The following TBCA variants were observed in gnomAD, a reference collection of about 807,000 sequenced individuals.
The protein encoded by TBCA is tubulin folding cofactor A.
Under a neutral mutation model 15.8 loss-of-function variants are expected in TBCA, and 6 were observed. The ratio of observed to expected loss-of-function variants is 0.38; its 90% CI spans 0.21 to 0.75. The LOEUF (loss-of-function observed/expected upper bound fraction) is 0.75. Among genes scored for constraint, TBCA ranks in the 30% least tolerant of loss-of-function variants. The pLI is 0.46. For synonymous variants in TBCA, 32 were observed against 42.3 expected, an observed-to-expected ratio of 0.76 and a Z score of 0.94; for missense variants, 90 against 131.2, an observed-to-expected ratio of 0.69 and a Z score of 1.53.
chr5:77,712,346 T>C (rs993009077), intron 1 of TBCA, among the ~76,000 whole-genome samples: 1 of 152,186 alleles, frequency 6.6e-6, no homozygotes, highest in Non-Finnish European at 1.5e-5. Context: ...ATTTCTGTAA[T>C]AAGGCTGAGC....
intron 1 of TBCA, among the ~76,000 whole-genome samples, chr5:77,757,805 T>C (rs1747510848): frequency 6.6e-6 from 1 of 152,236 alleles, no homozygotes; most frequent in Non-Finnish European, 1.5e-5. Flanking sequence ...CAGGAGGTCC[T>C]GATGACATGT....
intron 1 of TBCA, among the ~76,000 whole-genome samples, chr5:77,715,000 A>C (rs1456607231): frequency 6.6e-6 from 1 of 152,204 alleles, no homozygotes; most frequent in African/African-American, 2.4e-5. Context: ...AAAATATGTA[A>C]CATGTTAGAT....
chr5:77,728,470 CAT>C (rs1746680322), intron 1 of TBCA, among the ~76,000 whole-genome samples: 1 of 152,014 alleles, frequency 6.6e-6, no homozygotes, highest in African/African-American at 2.4e-5. Flanking sequence ...AAGGAACAAT[CAT>C]AAAAAATCTG....
chr5:77,724,842 T>A (rs905706630), intron 1 of TBCA, among the ~76,000 whole-genome samples: 19 of 152,198 alleles, frequency 1.2e-4, no homozygotes, highest in African/African-American at 4.3e-4. Context: ...TTCTAGGATT[T>A]TTGTGTTAAG....
At chr5:77,693,713 C>A (rs537929001) in intron 2 of TBCA, 1 of 196,110 alleles carries the variant, frequency 5.1e-6, no homozygotes, top group African/African-American at 2.4e-5. Context: ...GCAGGAGAAT[C>A]GCTTGAACCC....
intron 1 of TBCA, among the ~76,000 whole-genome samples, chr5:77,720,713 C>G (rs1561270259): frequency 1.3e-5 from 2 of 151,670 alleles, no homozygotes; most frequent in Non-Finnish European, 2.9e-5. Flanking sequence ...GACTCCATCT[C>G]AAAAAAATAA....
rs547399177 is a variant in TBCA at position 77,770,177 on chromosome 5, CT to C, written c.53+6027del. On this transcript the variant is annotated intron_variant, in intron 1 of 3. Coordinates refer to ENST00000380377, the MANE Select transcript of TBCA (RefSeq NM_004607.3). The stretch of plus-strand genomic sequence containing the variant: ...TATGAACACAAATCCCACTTGGAAA[CT>C]TTTTTGGTGCAGATAAGTCACTTAG... Among the ~76,000 whole-genome samples the C allele has an allele frequency of 5.2e-3, 786 of 152,202 alleles. 3 individuals are homozygous for C. The highest frequency in any genetic ancestry group is 7.6e-3 in the Non-Finnish European group (520 of 67,980).
chr5:77,723,542 T>C (rs1181543784), intron 1 of TBCA, among the ~76,000 whole-genome samples: 12 of 151,998 alleles, frequency 7.9e-5, no homozygotes, highest in Admixed American at 4.6e-4. Flanking sequence ...AAACTGAACT[T>C]TGAAATTCCC....
intron 1 of TBCA, among the ~76,000 whole-genome samples, chr5:77,714,728 A>C (rs1238695954): frequency 6.6e-6 from 1 of 152,036 alleles, no homozygotes; most frequent in Non-Finnish European, 1.5e-5. Flanking sequence ...CACCACGGCC[A>C]GCTAATTTTT....
intron 1 of TBCA, among the ~76,000 whole-genome samples, chr5:77,753,632 TTGAG>T (rs1467275125): frequency 6.6e-5 from 10 of 152,314 alleles, no homozygotes; most frequent in Non-Finnish European, 1.5e-4. Flanking sequence ...ACATCTTGCT[TTGAG>T]TAACTATTTT....
intron 1 of TBCA, among the ~76,000 whole-genome samples, chr5:77,712,488 A>G (rs1746301633): frequency 6.6e-6 from 1 of 152,296 alleles, no homozygotes. Context: ...AAGATTTAAT[A>G]AGAATACTGA....
At chr5:77,723,076 G>C (rs1487508438) in intron 1 of TBCA, among the ~76,000 whole-genome samples, 1 of 151,346 alleles carries the variant, frequency 6.6e-6, no homozygotes, top group African/African-American at 2.4e-5. Context: ...ATACCATCTT[G>C]TGTATTATCA....
intron 1 of TBCA, among the ~76,000 whole-genome samples, chr5:77,774,311 T>C (rs1381821950): frequency 6.6e-6 from 1 of 152,230 alleles, no homozygotes; most frequent in Non-Finnish European, 1.5e-5. Context: ...AAAATCTATA[T>C]TCTGTAGAGA....
chr5:77,708,063 C>T (rs777183854), intron 2 of TBCA, among the ~76,000 whole-genome samples, 179 bp downstream of exon 2: 2 of 152,118 alleles, frequency 1.3e-5, no homozygotes, highest in Non-Finnish European at 2.9e-5. Context: ...CACTTAACAA[C>T]TATGTGATTT....
intron 1 of TBCA, among the ~76,000 whole-genome samples, chr5:77,740,492 G>A (rs1020907229): frequency 6.6e-6 from 1 of 152,150 alleles, no homozygotes; most frequent in Non-Finnish European, 1.5e-5. Flanking sequence ...CAAGGAAGCA[G>A]GAGAAGCCAA....
chr5:77,725,217 C>T (rs947084994), intron 1 of TBCA, among the ~76,000 whole-genome samples: 1 of 152,194 alleles, frequency 6.6e-6, no homozygotes, highest in African/African-American at 2.4e-5. Flanking sequence ...TCATTAGCTG[C>T]GAACCGTAGC....
chr5:77,717,820 G>A (rs1453876343), intron 1 of TBCA, among the ~76,000 whole-genome samples: 1 of 135,118 alleles, frequency 7.4e-6, no homozygotes, highest in Non-Finnish European at 1.6e-5. Flanking sequence ...AAACAACAGC[G>A]AAACTCTGTC....
chr5:77,748,568 A>C, intron 1 of TBCA, among the ~76,000 whole-genome samples: 1 of 151,936 alleles, frequency 6.6e-6, no homozygotes, highest in East Asian at 1.9e-4. Flanking sequence ...TGCCGGCCTA[A>C]TTTGTTCTTA....
Position 77,708,326 on chromosome 5 carries a change from C to T in TBCA, c.75G>A (p.Met25Ile), listed in dbSNP as rs1220928349. 6.2e-7 allele frequency: 1 copy of T among 1,609,924 alleles called. No individual in the cohort carries two copies. Among genetic ancestry groups the T allele is most frequent in the African/African-American group, 1.3e-5 (1 of 74,688 alleles). Residue 25 changes from methionine (M) to isoleucine (I), a missense_variant, in exon 2 of 4, where the codon ATG becomes ATA. Coordinates refer to ENST00000380377, the MANE Select transcript of TBCA (RefSeq NM_004607.3). Reference sequence around the variant, plus strand: ...CTTGTTGTTTTGCCTCTTTTTCATACATCACTTTTTCTTTGACCAACCTAT... The same window carrying T: ...CTTGTTGTTTTGCCTCTTTTTCATATATCACTTTTTCTTTGACCAACCTAT... ...VVKRLVKEKV[M>I]YEKEAKQQEE...
Sources: gnomAD v4.1 joint callset for allele counts (sites outside exome capture counted in the v4.1 genomes callset) on GRCh38, gnomAD v4.1.1 for gene constraint, MANE v1.5 for transcripts, NCBI Gene and HGNC (gene_info 2026-07-23, HGNC 2026-07-21) for gene names.